Variants in PECAM1 observed in about 807,000 individuals in gnomAD.
The protein encoded by PECAM1 is platelet and endothelial cell adhesion molecule 1.
Under a neutral mutation model 13.8 loss-of-function variants are expected in PECAM1, and 8 were observed. The ratio of observed to expected loss-of-function variants is 0.58; its 90% CI spans 0.34 to 1.05. PECAM1 has a LOEUF of 1.05. Ranked by LOEUF, PECAM1 falls within the 50% of genes least tolerant of loss-of-function variation. The pLI is 0.03. For missense variants in PECAM1, 304 were observed against 141.2 expected (o/e 2.15, Z -5.84); for synonymous variants, 136 against 52.6 (o/e 2.58, Z -6.86).
chr17:64,336,938 A>T (rs2035294958), intron 14 of PECAM1, among the ~76,000 whole-genome samples: 1 of 151,974 alleles, frequency 6.6e-6, no homozygotes, highest in Non-Finnish European at 1.5e-5. Context: ...GAGGAAAGAG[A>T]AAAGGAAAGA....
intron 6 of PECAM1, among the ~76,000 whole-genome samples, 167 bp from the exon 7 acceptor site, chr17:64,360,582 CTGTGTGTGTGTG>C (rs10589772): frequency 2.2e-5 from 3 of 139,394 alleles, no homozygotes; most frequent in Admixed American, 1.5e-4. Flanking sequence ...GACTGACAGG[CTGTGTGTGTGTG>C]TGTGTGTGTG....
intron 4 of PECAM1, chr17:64,370,563 C>T (rs1414679721): frequency 6.6e-6 from 1 of 152,222 alleles, no homozygotes; most frequent in Admixed American, 6.5e-5. Flanking sequence ...TTTCATGACT[C>T]ATGCAGTTTG....
In PECAM1 at chr17:64,375,363, G is replaced by A. The variant is rs1048323328; in HGVS notation, c.386-7C>T. The A allele has an allele frequency of 4.3e-6, 2 of 463,488 alleles. No individual in the cohort carries two copies. Among genetic ancestry groups the A allele is most frequent in the Non-Finnish European group, 7.8e-6 (2 of 254,814 alleles). The allele number at this position is 463,488 out of a possible 1,614,324, so 28.7% of individuals were successfully genotyped here. A position where few individuals can be genotyped will look rare whatever the true frequency, so the allele number is the denominator to read the frequency against. ...ACCCTGGGACTGGGCACTCCTACGG[G>A]GAAAGAGAAAGTCTGTCAGTATCAG... On this transcript the variant is annotated splice_polypyrimidine_tract_variant and splice_region_variant and intron_variant, in intron 3 of 15. Transcript: ENST00000563924.
At chr17:64,347,107 G>A (rs1352144987) in intron 13 of PECAM1, among the ~76,000 whole-genome samples, 3 of 152,074 alleles carry the variant, frequency 2.0e-5, no homozygotes, top group Admixed American at 1.3e-4. Flanking sequence ...TGGTGGCTTC[G>A]CCTGTAATCC....
At position 64,377,816 on chromosome 17, in the gene PECAM1, G is replaced by A. The variant is rs954902779; in HGVS notation, c.385+8C>T. 4.2e-6 allele frequency: 2 copies of A among 475,044 alleles called. No homozygotes were observed. Among genetic ancestry groups the A allele is most frequent in the Non-Finnish European group, 3.9e-6 (1 of 259,092 alleles). 29.4% of individuals were successfully genotyped at this position (475,044 alleles called of 1,614,324 possible). ...TCTGCTTGCCTGTGCTCAGTTCCAAGGACTCACCTTCCACCAACACCTGGT... is the reference window on the plus strand; with the variant it reads ...TCTGCTTGCCTGTGCTCAGTTCCAAAGACTCACCTTCCACCAACACCTGGT... On this transcript the variant is annotated splice_region_variant and intron_variant, in intron 3 of 15. Transcript: ENST00000563924.
At chr17:64,342,695 A>G (rs1461304864) in intron 13 of PECAM1, among the ~76,000 whole-genome samples, 1 of 152,116 alleles carries the variant, frequency 6.6e-6, no homozygotes, top group Non-Finnish European at 1.5e-5. Context: ...ATATGGCAGC[A>G]TGATGACTGA....
intron 14 of PECAM1, among the ~76,000 whole-genome samples, chr17:64,340,841 T>C (rs915957216): frequency 5.3e-5 from 8 of 152,176 alleles, no homozygotes; most frequent in African/African-American, 1.9e-4. Context: ...CTCACACTTG[T>C]AATCCCAGCA....
In PECAM1 at chr17:64,369,829, C is replaced by T; in HGVS notation, c.888G>A (p.Val296=). Residue 296 remains valine, a synonymous_variant, in exon 5 of 16, where the codon GTG becomes GTA. Transcript: ENST00000563924. ...TGCACGTGTAGTTGCCACTGTGCTC[C>T]ACCATGGCCATGACTGAGTACACAG... ...NKAVYSVMAM[V]EHSGNYTCKV... 1 of 398,654 alleles carries T rather than the reference C, an allele frequency of 2.5e-6. No homozygotes were observed. The highest frequency in any genetic ancestry group is 3.6e-5 in the East Asian group (1 of 28,080). 24.7% of individuals were successfully genotyped at this position (398,654 alleles called of 1,614,324 possible).
At chr17:64,341,546 C>A (rs2035430879) in intron 14 of PECAM1, 88 bp downstream of exon 14, 1 of 412,970 alleles carries the variant, frequency 2.4e-6, no homozygotes, top group Non-Finnish European at 4.4e-6. Context: ...GCCTTCTTTG[C>A]TTCTTCTTTT....
intron 14 of PECAM1, among the ~76,000 whole-genome samples, chr17:64,331,855 T>C (rs553206191): frequency 1.3e-5 from 2 of 152,264 alleles, no homozygotes; most frequent in South Asian, 2.1e-4. Flanking sequence ...GATGTGGGCA[T>C]TGGGGATGGT....
Position 64,380,057 on chromosome 17 carries a change from C to T in PECAM1, c.92-1940G>A, listed in dbSNP as rs977149634. On this transcript the variant is annotated intron_variant, in intron 2 of 15. Coordinates refer to ENST00000563924, the MANE Select transcript of PECAM1 (RefSeq NM_000442.5). ...AAAAAAAGAAAGAAAAGAGGCCAGG[C>T]GCAGTGGCTCACGGCTGTAATCCCA... Among the ~76,000 whole-genome samples, 328 of 149,550 alleles carry T rather than the reference C, an allele frequency of 2.2e-3. 1 individual carries two copies. The highest frequency in any genetic ancestry group is 7.5e-3 in the African/African-American group (303 of 40,584).
intron 13 of PECAM1, among the ~76,000 whole-genome samples, chr17:64,342,839 A>G (rs1380009324): frequency 6.6e-6 from 1 of 152,114 alleles, no homozygotes; most frequent in Non-Finnish European, 1.5e-5. Context: ...ACACTCATGC[A>G]CACAATGTGT....
Position 64,319,432 on chromosome 17 carries a change from G to C in PECAM1, c.*4384C>G, listed in dbSNP as rs1007551392. The C allele has an allele frequency of 1.3e-5, 2 of 152,158 alleles. No homozygotes were observed. The highest frequency in any genetic ancestry group is 4.8e-5 in the African/African-American group (2 of 41,432). 9.4% of individuals were successfully genotyped at this position (152,158 alleles called of 1,614,324 possible). ...AAGGCAAGTTTTAGAGCAGGAGTGA[G>C]AGTTTATTAAAAAGTTTTAGAGCAG... is the stretch of plus-strand genomic sequence containing the variant. On this transcript the variant is annotated 3_prime_UTR_variant, in exon 16 of 16. Transcript: ENST00000563924.
chr17:64,377,412 G>A (rs1312647097), intron 3 of PECAM1, among the ~76,000 whole-genome samples: 1 of 152,054 alleles, frequency 6.6e-6, no homozygotes, highest in African/African-American at 2.4e-5. Flanking sequence ...AGGAGTTCGA[G>A]ACCAGCCTGA....
intron 2 of PECAM1, among the ~76,000 whole-genome samples, chr17:64,382,626 C>T (rs1243974545): frequency 2.0e-5 from 3 of 152,174 alleles, no homozygotes; most frequent in East Asian, 1.9e-4. Context: ...GCAATCATCC[C>T]GCCTCAGCCT....
At chr17:64,332,968 C>CA (rs5821433) in intron 14 of PECAM1, among the ~76,000 whole-genome samples, 91,016 of 151,934 alleles carry the variant, frequency 0.6, 27,369 homozygotes, top group Middle Eastern at 0.72. Context: ...GCCTGGCCAA[C>CA]ATGGTGAAAC....
At chr17:64,355,080 G>A (rs2035817275) in intron 8 of PECAM1, 40 bp from the exon 9 acceptor site, 2 of 470,028 alleles carry the variant, frequency 4.3e-6, no homozygotes, top group Non-Finnish European at 3.9e-6. Flanking sequence ...TTTGTATATA[G>A]GCTCTTCCTC....
At chr17:64,365,024 G>A (rs1472415170) in intron 5 of PECAM1, among the ~76,000 whole-genome samples, 21 of 152,010 alleles carry the variant, frequency 1.4e-4, no homozygotes, top group Non-Finnish European at 2.6e-4. Flanking sequence ...AAAAGAGGAA[G>A]TCAAATTGTC....
intron 14 of PECAM1, among the ~76,000 whole-genome samples, chr17:64,340,384 C>T (rs894497442): frequency 6.6e-6 from 1 of 152,000 alleles, no homozygotes; most frequent in Non-Finnish European, 1.5e-5. Flanking sequence ...TGAGCCACCA[C>T]GCCTAGCCTG....
Sources: gnomAD v4.1 joint callset for allele counts (sites outside exome capture counted in the v4.1 genomes callset) on GRCh38, gnomAD v4.1.1 for gene constraint, MANE v1.5 for transcripts, NCBI Gene and HGNC (gene_info 2026-07-23, HGNC 2026-07-21) for gene names.